The following ITIH5 variants were observed in gnomAD, a reference collection of about 807,000 sequenced individuals.
ITIH5 encodes the protein inter-alpha-trypsin inhibitor heavy chain H5.
In ITIH5, 65 loss-of-function variants were observed where a neutral mutation model predicts 77.5. The ratio of observed to expected loss-of-function variants is 0.84; its 90% CI spans 0.69 to 1.03. ITIH5 has a LOEUF of 1.03. Ranked by LOEUF, ITIH5 falls within the 50% of genes least tolerant of loss-of-function variation. The pLI is 0.00. For missense variants in ITIH5, 1,208 were observed against 1,213.1 expected, an observed-to-expected ratio of 1.00 and a Z score of 0.06; for synonymous variants, 525 against 494.3, an observed-to-expected ratio of 1.06 and a Z score of -0.82.
At chr10:7,606,635 G>A (rs1331975906) in intron 7 of ITIH5, among the ~76,000 whole-genome samples, 4 of 152,168 alleles carry the variant, frequency 2.6e-5, no homozygotes, top group Admixed American at 2.6e-4. Flanking sequence ...CAGGTACTGT[G>A]CTTATTAGCT....
intron 7 of ITIH5, among the ~76,000 whole-genome samples, chr10:7,606,841 T>A (rs926492742): frequency 3.9e-5 from 6 of 152,234 alleles, no homozygotes; most frequent in African/African-American, 1.4e-4. Context: ...AATTTTTCAA[T>A]GGGTGCCTCT....
At chr10:7,585,607 T>G (rs12258908) in intron 8 of ITIH5, among the ~76,000 whole-genome samples, 1 of 152,098 alleles carries the variant, frequency 6.6e-6, no homozygotes, top group Admixed American at 6.5e-5. Flanking sequence ...TGTTTTTGTA[T>G]CAGCAAGACT....
In ITIH5 at chr10:7,561,627, A is replaced by G. The variant is rs1416424671; in HGVS notation, c.*1456T>C. On this transcript the variant is annotated 3_prime_UTR_variant, in exon 14 of 14. Transcript: ENST00000397146. ...GTCCCCCAGCGCTAACTTGTTCCCG[A>G]AGCCGCTGCGTCCGACAGGAACACG... is the stretch of plus-strand genomic sequence containing the variant. 6.6e-6 allele frequency: 1 copy of G among 152,246 alleles called. No homozygotes were observed. The highest frequency in any genetic ancestry group is 1.5e-5 in the Non-Finnish European group (1 of 68,062). The allele number at this position is 152,246 out of a possible 1,614,324, so 9.4% of individuals were successfully genotyped here. A position where few individuals can be genotyped will look rare whatever the true frequency, so the allele number is the denominator to read the frequency against.
rs759466355 is a variant in ITIH5, at chr10:7,566,003, C to T, written c.2527+27G>A. The T allele has an allele frequency of 3.8e-6, 6 of 1,599,326 alleles. No homozygotes were observed. The South Asian group carries it at 5.6e-5, about 15-fold the overall frequency. On this transcript the variant is annotated intron_variant, in intron 13 of 13. Transcript: ENST00000397146. The stretch of plus-strand genomic sequence containing the variant: ...GAAATGTAACTCTGCCCTCTATGCC[C>T]AGCGTGAGGAGAGCGCAGCTTCCTA...
chr10:7,582,050 ACT>A (rs921333169), intron 8 of ITIH5, among the ~76,000 whole-genome samples: 26 of 148,380 alleles, frequency 1.8e-4, no homozygotes, highest in Non-Finnish European at 3.1e-4. Flanking sequence ...TAATTTTTGT[ACT>A]TTTTTAGTAG....
chr10:7,605,541 C>A (rs1045887911), intron 7 of ITIH5, among the ~76,000 whole-genome samples: 48 of 151,650 alleles, frequency 3.2e-4, no homozygotes, highest in Non-Finnish European at 5.7e-4. Flanking sequence ...GCACCCCACC[C>A]CCAACAGCCT....
At chr10:7,631,038 C>G (rs1833703425) in intron 5 of ITIH5, among the ~76,000 whole-genome samples, 1 of 123,698 alleles carries the variant, frequency 8.1e-6, no homozygotes, top group Non-Finnish European at 1.7e-5. Flanking sequence ...TCAAGCAGCC[C>G]AGGAAAAAAA....
At chr10:7,641,177 G>A (rs954677476) in intron 3 of ITIH5, among the ~76,000 whole-genome samples, 6 of 148,760 alleles carry the variant, frequency 4.0e-5, no homozygotes, top group African/African-American at 9.7e-5. Context: ...CACCTAGCCC[G>A]TTTTACATAT....
At chr10:7,585,563 T>G (rs1211446639) in intron 8 of ITIH5, among the ~76,000 whole-genome samples, 1 of 152,168 alleles carries the variant, frequency 6.6e-6, no homozygotes, top group Non-Finnish European at 1.5e-5. Flanking sequence ...GTGGCTGTAA[T>G]TCTCCACCCC....
At chr10:7,665,683 A>G (rs1170008474) in intron 1 of ITIH5, among the ~76,000 whole-genome samples, 3 of 152,216 alleles carry the variant, frequency 2.0e-5, no homozygotes, top group Non-Finnish European at 4.4e-5. Context: ...GCTCAAAAAG[A>G]GCCGCATTCC....
At chr10:7,566,944 G>A (rs1414986604) in intron 12 of ITIH5, among the ~76,000 whole-genome samples, 1 of 150,106 alleles carries the variant, frequency 6.7e-6, no homozygotes, top group Non-Finnish European at 1.5e-5. Flanking sequence ...ATCTATCCCT[G>A]CCCAACGCAT....
At chr10:7,644,663 TCA>T (rs2131088460) in intron 2 of ITIH5, among the ~76,000 whole-genome samples, 2 of 135,666 alleles carry the variant, frequency 1.5e-5, no homozygotes, top group Non-Finnish European at 3.1e-5. Flanking sequence ...CACATATATA[TCA>T]TATATATCAC....
At chr10:7,615,409 AT>A (rs1218642337) in intron 7 of ITIH5, among the ~76,000 whole-genome samples, 5 of 152,238 alleles carry the variant, frequency 3.3e-5, no homozygotes, top group African/African-American at 1.2e-4. Context: ...AGATTCTGAC[AT>A]TTATGATAGC....
chr10:7,624,783 C>CT (rs1833531777), intron 5 of ITIH5, among the ~76,000 whole-genome samples: 1 of 13,960 alleles, frequency 7.2e-5, no homozygotes, highest in South Asian at 3.1e-3. Context: ...GAGACTCTGC[C>CT]TAAAAAAAAA....
At chr10:7,629,227 G>A (rs1490018034) in intron 5 of ITIH5, among the ~76,000 whole-genome samples, 2 of 142,024 alleles carry the variant, frequency 1.4e-5, no homozygotes, top group Non-Finnish European at 3.2e-5. Context: ...GTTGTAGCGT[G>A]TGCCCATGTT....
intron 9 of ITIH5, among the ~76,000 whole-genome samples, chr10:7,579,063 A>G (rs1231093848): frequency 1.3e-5 from 2 of 152,264 alleles, no homozygotes; most frequent in South Asian, 4.1e-4. Context: ...GTGCTTTGAA[A>G]TATCAGGATG....
intron 1 of ITIH5, among the ~76,000 whole-genome samples, chr10:7,658,050 A>G (rs1834216253): frequency 6.6e-6 from 1 of 152,256 alleles, no homozygotes; most frequent in South Asian, 2.1e-4. Flanking sequence ...AGATATGTTC[A>G]TGACACAATT....
intron 7 of ITIH5, among the ~76,000 whole-genome samples, chr10:7,588,503 T>C (rs1832727509): frequency 6.6e-6 from 1 of 152,114 alleles, no homozygotes; most frequent in South Asian, 2.1e-4. Flanking sequence ...GGTGACAGAG[T>C]GAAAATGTGT....
intron 5 of ITIH5, among the ~76,000 whole-genome samples, chr10:7,629,008 T>C (rs112103458): frequency 1.8e-5 from 2 of 112,094 alleles, no homozygotes; most frequent in African/African-American, 6.7e-5. Flanking sequence ...CATGTTATCA[T>C]ATGTATCTGT....
Sources: allele counts gnomAD v4.1 joint callset (sites outside exome capture counted in the v4.1 genomes callset), GRCh38; gene constraint gnomAD v4.1.1; transcripts MANE v1.5; gene names NCBI Gene and HGNC (gene_info 2026-07-23, HGNC 2026-07-21).